MSR1: variants seen among roughly 807,000 people sequenced by gnomAD.
MSR1 encodes the protein macrophage scavenger receptor types I and II.
A neutral mutation model predicts 47.2 loss-of-function variants in MSR1; 53 were observed. That is an observed-to-expected ratio of 1.12 (90% confidence interval 0.90 to 1.41). The LOEUF is 1.41. Ranked by LOEUF, MSR1 falls within the 40% of genes most tolerant of loss-of-function variation. The pLI, the probability that MSR1 is intolerant of heterozygous loss-of-function variation, is 0.00. For synonymous variants in MSR1, 239 were observed against 185.6 expected, an observed-to-expected ratio of 1.29 and a Z score of -2.34; for missense variants, 786 against 546.9, an observed-to-expected ratio of 1.44 and a Z score of -4.36.
At chr8:16,110,781 C>G (rs1374056075) in intron 9 of MSR1, among the ~76,000 whole-genome samples, 1 of 152,068 alleles carries the variant, frequency 6.6e-6, no homozygotes, top group Non-Finnish European at 1.5e-5. Context: ...AGCAAAGGGC[C>G]TACACACCAT....
At chr8:16,145,766 A>G (rs1045655834) in intron 7 of MSR1, among the ~76,000 whole-genome samples, 23 of 152,138 alleles carry the variant, frequency 1.5e-4, no homozygotes, top group Admixed American at 1.3e-4. Context: ...AGATTTGCTT[A>G]CCGATGATAC....
At chr8:16,187,166 C>G (rs1802026007) in intron 1 of MSR1, among the ~76,000 whole-genome samples, 1 of 151,506 alleles carries the variant, frequency 6.6e-6, no homozygotes, top group East Asian at 2.0e-4. Context: ...AGTTCGAGAC[C>G]ATCCTGGCCC....
chr8:16,154,023 G>A (rs998424976), intron 6 of MSR1, among the ~76,000 whole-genome samples: 1 of 151,618 alleles, frequency 6.6e-6, no homozygotes, highest in East Asian at 1.9e-4. Flanking sequence ...ATGTGTACCT[G>A]GATGTATATC....
chr8:16,188,588 C>T (rs917365600), intron 1 of MSR1, among the ~76,000 whole-genome samples: 2 of 151,948 alleles, frequency 1.3e-5, no homozygotes, highest in Non-Finnish European at 2.9e-5. Flanking sequence ...TGGTTTGCTG[C>T]ACCCATCAGC....
At chr8:16,174,452 T>C (rs1014274587) in intron 3 of MSR1, among the ~76,000 whole-genome samples, 6 of 152,174 alleles carry the variant, frequency 3.9e-5, no homozygotes, top group Admixed American at 3.3e-4. Context: ...TTTACATAAG[T>C]GCTTACGGTG....
chr8:16,153,896 A>T (rs2117141573), intron 6 of MSR1, among the ~76,000 whole-genome samples: 1 of 152,062 alleles, frequency 6.6e-6, no homozygotes, highest in African/African-American at 2.4e-5. Context: ...AAGTAGAAAG[A>T]CTTTCCTGAA....
chr8:16,191,975 T>C (rs536175007), intron 1 of MSR1, among the ~76,000 whole-genome samples: 2 of 152,336 alleles, frequency 1.3e-5, no homozygotes, highest in African/African-American at 2.4e-5. Flanking sequence ...CTTAAGGTGC[T>C]AGTAATTATC....
intron 1 of MSR1, among the ~76,000 whole-genome samples, chr8:16,188,967 C>CATAT (rs200739372): frequency 0.014 from 1,769 of 122,150 alleles, 31 homozygotes; most frequent in African/African-American, 0.034. Flanking sequence ...AACACACATA[C>CATAT]ATATATATAT....
chr8:16,170,274 GGAGGCA>G (rs1248188895), intron 3 of MSR1, among the ~76,000 whole-genome samples: 2 of 151,918 alleles, frequency 1.3e-5, no homozygotes, highest in African/African-American at 4.8e-5. Context: ...CTTGAACCTG[GGAGGCA>G]GAGGTTGCAG....
intron 8 of MSR1, among the ~76,000 whole-genome samples, chr8:16,134,769 C>A (rs866098832): frequency 6.6e-6 from 1 of 152,134 alleles, no homozygotes; most frequent in Admixed American, 6.5e-5. Context: ...AGAAAAAGTT[C>A]TTGAAAGCAA....
intron 9 of MSR1, among the ~76,000 whole-genome samples, chr8:16,111,683 T>A (rs1458721682): frequency 1.3e-5 from 2 of 151,346 alleles, no homozygotes; most frequent in African/African-American, 4.9e-5. Context: ...GTGGTCCTGA[T>A]AATGAAAATT....
At chr8:16,117,108 C>A (rs1799893425) in intron 9 of MSR1, among the ~76,000 whole-genome samples, 3 of 152,130 alleles carry the variant, frequency 2.0e-5, no homozygotes, top group Admixed American at 2.0e-4. Context: ...AGAAACAAAG[C>A]TGCACAGCAG....
At chr8:16,140,784 T>G in intron 8 of MSR1, 1 of 1,462,940 alleles carries the variant, frequency 6.8e-7, no homozygotes, top group Non-Finnish European at 9.0e-7. Context: ...GTGGAGTAAT[T>G]GGAGTAAGAA....
intron 8 of MSR1, among the ~76,000 whole-genome samples, chr8:16,128,887 AATAAT>A (rs1800190273): frequency 1.3e-5 from 2 of 152,160 alleles, no homozygotes; most frequent in African/African-American, 2.4e-5. Context: ...CGTTAATAAT[AATAAT>A]ATGTTTGTTA....
At chr8:16,175,380 A>G in intron 2 of MSR1, 80 bp from the exon 3 acceptor site, 1 of 1,125,536 alleles carries the variant, frequency 8.9e-7, no homozygotes, top group Non-Finnish European at 1.3e-6. Context: ...ATCTCCAATT[A>G]TATTCTTACT....
intron 6 of MSR1, among the ~76,000 whole-genome samples, chr8:16,151,388 T>C (rs147186077): frequency 6.6e-6 from 1 of 152,234 alleles, no homozygotes; most frequent in East Asian, 1.9e-4. Flanking sequence ...TTCATAGAAA[T>C]CAGGCAGTCA....
intron 8 of MSR1, among the ~76,000 whole-genome samples, chr8:16,133,680 T>C (rs1800317996): frequency 6.6e-6 from 1 of 152,178 alleles, no homozygotes; most frequent in Admixed American, 6.5e-5. Flanking sequence ...CTTCTACCTC[T>C]TGGTAGCCAT....
At chr8:16,178,083 A>T in intron 1 of MSR1, 91 bp from the exon 2 acceptor site, 2 of 983,182 alleles carry the variant, frequency 2.0e-6, no homozygotes, top group East Asian at 2.7e-5. Context: ...TCAGTTTGAA[A>T]TGGAATCTAT....
chr8:16,188,944 T>C (rs954875262), intron 1 of MSR1, among the ~76,000 whole-genome samples: 2 of 138,346 alleles, frequency 1.4e-5, no homozygotes, highest in South Asian at 2.3e-4. Context: ...AAGTGTTTGC[T>C]ACCTAATAAT....
Sources: gnomAD v4.1 joint callset for allele counts (sites outside exome capture counted in the v4.1 genomes callset) on GRCh38, gnomAD v4.1.1 for gene constraint, MANE v1.5 for transcripts, NCBI Gene and HGNC (gene_info 2026-07-23, HGNC 2026-07-21) for gene names.